Variants in ANKRD12 observed in about 807,000 individuals in gnomAD.
ANKRD12 encodes the protein ankyrin repeat domain-containing protein 12.
ANKRD12 carries 85 observed loss-of-function variants against 183.4 expected under a neutral mutation model. The observed-to-expected ratio is 0.46, with a 90% confidence interval of 0.39 to 0.56. The LOEUF is 0.56. ANKRD12 is among the 20% of genes least tolerant of loss of function. ANKRD12 has a pLI of 0.00. For missense variants in ANKRD12, 2,405 were observed against 2,357.1 expected, an observed-to-expected ratio of 1.02 and a Z score of -0.42; for synonymous variants, 914 against 800.2, an observed-to-expected ratio of 1.14 and a Z score of -2.40.
rs529664909 is a variant in ANKRD12 at position 9,185,304 on chromosome 18, A to C, written c.87+2785A>C. 5.6e-4 allele frequency among the ~76,000 whole-genome samples: 86 copies of C among 152,312 alleles called. No homozygotes were observed. The South Asian group carries it at 7.3e-3, about 13-fold the overall frequency. ...AACCAGTCAGAATGCTATTTGATAA[A>C]ATATAAGTAGGAGGCAGTGTGGGCA... is the stretch of plus-strand genomic sequence containing the variant. On this transcript the variant is annotated intron_variant, in intron 2 of 12. Coordinates refer to ENST00000262126, the MANE Select transcript of ANKRD12 (RefSeq NM_015208.5).
chr18:9,234,227 C>T (rs939064705), intron 8 of ANKRD12, among the ~76,000 whole-genome samples: 1 of 152,184 alleles, frequency 6.6e-6, no homozygotes, highest in African/African-American at 2.4e-5. Context: ...TTTCGCTCAC[C>T]CCAGCCTCCC....
rs140395987 is a variant in ANKRD12, at chr18:9,181,328, C to T, written c.-51-1054C>T. Among the ~76,000 whole-genome samples, 987 of 152,268 alleles carry T rather than the reference C, an allele frequency of 6.5e-3. 8 individuals carry two copies. Among genetic ancestry groups the T allele is most frequent in the Middle Eastern group, 0.017 (5 of 294 alleles). ...AACAAAAGAAATTTTAAAGCACCAACGGGACAGCAGATTTTACTAATACTC... is the reference window on the plus strand; with the variant it reads ...AACAAAAGAAATTTTAAAGCACCAATGGGACAGCAGATTTTACTAATACTC... On this transcript the variant is annotated intron_variant, in intron 1 of 12. Coordinates refer to ENST00000262126, the MANE Select transcript of ANKRD12 (RefSeq NM_015208.5).
At chr18:9,209,398 G>A (rs1203806259) in intron 5 of ANKRD12, among the ~76,000 whole-genome samples, 1 of 152,102 alleles carries the variant, frequency 6.6e-6, no homozygotes, top group African/African-American at 2.4e-5. Context: ...ACTTTTGTCT[G>A]GAGAAAATTT....
rs199816303 is a variant in ANKRD12 at position 9,275,724 on chromosome 18, A to AT, written c.5907+62dup. 1.2e-3 allele frequency: 1,641 copies of AT among 1,417,262 alleles called. 18 individuals carry two copies. The African/African-American group carries it at 0.021, about 18-fold the overall frequency. 87.8% of individuals were successfully genotyped at this position (1,417,262 alleles called of 1,614,324 possible). A position where few individuals can be genotyped will look rare whatever the true frequency, so the allele number is the denominator to read the frequency against. ...TGGTCTGAAAAAATGCAACTTGGCT[A>AT]TTTTTAGAATCTATTTCCATAGAAA... On this transcript the variant is annotated intron_variant, in intron 11 of 12. Transcript: ENST00000262126.
chr18:9,169,715 TA>T (rs1272327432), intron 1 of ANKRD12, among the ~76,000 whole-genome samples: 3 of 152,234 alleles, frequency 2.0e-5, no homozygotes, highest in Non-Finnish European at 4.4e-5. Context: ...CATTTACATT[TA>T]AAGTTAATAT....
chr18:9,240,912 T>A (rs2144994547), intron 8 of ANKRD12, among the ~76,000 whole-genome samples: 1 of 152,314 alleles, frequency 6.6e-6, no homozygotes, highest in East Asian at 1.9e-4. Flanking sequence ...AACAGTAAAT[T>A]GTACTATTAT....
rs776312572 is a variant in ANKRD12, at chr18:9,211,535, T to C, written c.452-49T>C. On this transcript the variant is annotated intron_variant, in intron 5 of 12. Transcript: ENST00000262126. ...ACCAATAAAAACATTTAAATAAGTA[T>C]ACAGAATATTTAGCCTAGAACTTCT... 4.7e-6 allele frequency: 7 copies of C among 1,495,638 alleles called. No homozygotes were observed. In the East Asian group the frequency reaches 1.6e-4, roughly 34 times the overall value. The allele number at this position is 1,495,638 out of a possible 1,614,324, so 92.6% of individuals were successfully genotyped here.
chr18:9,141,925 TTTTG>T lies in ANKRD12; in HGVS notation c.-52+4972_-52+4975del, dbSNP rs982164483. Among the ~76,000 whole-genome samples, 18 of 152,250 alleles carry T rather than the reference TTTTG, an allele frequency of 1.2e-4. No homozygotes were observed. In the East Asian group the frequency reaches 2.9e-3, roughly 24 times the overall value. ...AACCTTTTAAAATAAATAGTGGGTT[TTTTG>T]TTTGTTTGTTTTTGTTTTGTTTCAC... On this transcript the variant is annotated intron_variant, in intron 1 of 12. Transcript: ENST00000262126.
chr18:9,232,325 C>A (rs938435466), intron 8 of ANKRD12, among the ~76,000 whole-genome samples: 12 of 152,180 alleles, frequency 7.9e-5, no homozygotes, highest in Non-Finnish European at 1.5e-5. Flanking sequence ...GTGATGAATT[C>A]TCAGTATTTG....
intron 1 of ANKRD12, among the ~76,000 whole-genome samples, chr18:9,161,738 A>ATGTG (rs372785729): frequency 1.2e-4 from 18 of 148,366 alleles, no homozygotes; most frequent in Non-Finnish European, 2.4e-4. Context: ...TGATATGTTG[A>ATGTG]TGTGTGTGTG....
intron 11 of ANKRD12, among the ~76,000 whole-genome samples, chr18:9,277,201 C>A (rs1301776334): frequency 6.6e-6 from 1 of 152,054 alleles, no homozygotes; most frequent in Admixed American, 6.6e-5. Context: ...ATGCCTGTAG[C>A]CCCAGCTACC....
chr18:9,249,864 T>G (rs2145111139), intron 8 of ANKRD12: 1 of 152,306 alleles, frequency 6.6e-6, no homozygotes, highest in South Asian at 2.1e-4. Context: ...CATGGAATTT[T>G]GGGGAAGAGG....
chr18:9,187,831 A>G (rs2034192958), intron 2 of ANKRD12, among the ~76,000 whole-genome samples: 1 of 152,252 alleles, frequency 6.6e-6, no homozygotes, highest in African/African-American at 2.4e-5. Flanking sequence ...GAGAGGGGAT[A>G]TTAATTATTT....
At chr18:9,152,959 C>G (rs1488483536) in intron 1 of ANKRD12, among the ~76,000 whole-genome samples, 7 of 152,108 alleles carry the variant, frequency 4.6e-5, no homozygotes, top group Non-Finnish European at 7.3e-5. Flanking sequence ...TAAACTCACT[C>G]TTACTCCCAT....
At chr18:9,203,583 A>G (rs550490168) in intron 3 of ANKRD12, among the ~76,000 whole-genome samples, 53 of 151,660 alleles carry the variant, frequency 3.5e-4, no homozygotes, top group African/African-American at 9.7e-4. Context: ...ATATATATAT[A>G]TGTGTGTGTG....
intron 1 of ANKRD12, among the ~76,000 whole-genome samples, chr18:9,163,113 G>T (rs1274637329): frequency 5.3e-5 from 8 of 152,052 alleles, no homozygotes; most frequent in African/African-American, 1.9e-4. Context: ...TGAAATCTTT[G>T]CCTGTGCCTG....
chr18:9,184,158 G>T (rs1429214724), intron 2 of ANKRD12, among the ~76,000 whole-genome samples: 1 of 152,112 alleles, frequency 6.6e-6, no homozygotes, highest in Non-Finnish European at 1.5e-5. Context: ...ACAAAAGAAT[G>T]TTATAATTGT....
In ANKRD12 at chr18:9,258,813, A is replaced by G; in HGVS notation, c.5546A>G (p.Lys1849Arg). 6.2e-7 allele frequency: 1 copy of G among 1,613,924 alleles called. No individual in the cohort carries two copies. The highest frequency in any genetic ancestry group is 8.5e-7 in the Non-Finnish European group (1 of 1,179,882). The change falls in exon 9 of 13, where the codon AAA becomes AGA. Residue 1849 changes from lysine (K) to arginine (R), a missense_variant. Physicochemically the swap from Lys to Arg is conservative, Grantham distance 26 (BLOSUM62 2). Around this residue, in one of 7 missense-constraint regions of ANKRD12, gnomAD observed 162 missense variants for 272.2 expected, o/e 0.60. Transcript: ENST00000262126. The part of the protein sequence containing the change: ...YLHIRKKIEE[K>R]RKLLCSVIPQ... ...CACATAAGGAAAAAAATAGAAGAAA[A>G]ACGCAAATTACTGTGTAGTGTGATT...
intron 1 of ANKRD12, among the ~76,000 whole-genome samples, chr18:9,163,043 T>C (rs564530724): frequency 6.6e-6 from 1 of 152,332 alleles, no homozygotes; most frequent in Non-Finnish European, 1.5e-5. Context: ...CTCCTTAGTT[T>C]AATTAGATCC....
Sources: allele counts gnomAD v4.1 joint callset (sites outside exome capture counted in the v4.1 genomes callset), GRCh38; gene constraint gnomAD v4.1.1; regional missense constraint gnomAD v4.1.1; transcripts MANE v1.5; gene names NCBI Gene and HGNC (gene_info 2026-07-23, HGNC 2026-07-21).